The following EIF3L variants were observed in gnomAD, a reference collection of about 807,000 sequenced individuals.
EIF3L encodes the protein eIEF associated protein HSPC021.
EIF3L carries 32 observed loss-of-function variants against 74.6 expected under a neutral mutation model. That is an observed-to-expected ratio of 0.43 (90% CI 0.32 to 0.58). EIF3L has a LOEUF of 0.58. Among genes scored for constraint, EIF3L ranks in the 20% least tolerant of loss-of-function variants. The pLI is 0.06. For missense variants in EIF3L, 474 were observed against 707.8 expected (o/e 0.67, Z 3.75); for synonymous variants, 256 against 254.4 (o/e 1.01, Z -0.06).
rs373196440 is a variant in EIF3L at position 37,855,660 on chromosome 22, T to G, written c.373+16T>G. The G allele has an allele frequency of 5.0e-6, 8 of 1,610,264 alleles. No individual in the cohort carries two copies. Among genetic ancestry groups the G allele is most frequent in the Non-Finnish European group, 6.8e-6 (8 of 1,176,716 alleles). ...GTTGGCAATGGTAGGTGTGAGCTCT[T>G]TATATCTTGTGCACTGAGTGGAATC... is the stretch of plus-strand genomic sequence containing the variant. On this transcript the variant is annotated intron_variant, in intron 4 of 12. Coordinates refer to ENST00000652021, the MANE Select transcript of EIF3L (RefSeq NM_016091.4).
At chr22:37,858,879 C>T (rs564560005) in intron 5 of EIF3L, 139 bp downstream of exon 5, 110 of 755,244 alleles carry the variant, frequency 1.5e-4, no homozygotes, top group South Asian at 1.3e-3. Flanking sequence ...TTTTAAGAAG[C>T]GGTGGAAGGA....
intron 5 of EIF3L, among the ~76,000 whole-genome samples, chr22:37,860,046 A>G (rs1348406495): frequency 6.6e-6 from 1 of 152,158 alleles, no homozygotes; most frequent in African/African-American, 2.4e-5. Context: ...TGTATTATTT[A>G]TATACACCAA....
intron 3 of EIF3L, among the ~76,000 whole-genome samples, chr22:37,854,985 A>G (rs1270525876): frequency 6.6e-6 from 1 of 151,836 alleles, no homozygotes; most frequent in Non-Finnish European, 1.5e-5. Context: ...TATATGTTGG[A>G]CTAAAAGAGC....
At chr22:37,855,009 G>A (rs1925425640) in intron 3 of EIF3L, among the ~76,000 whole-genome samples, 1 of 152,220 alleles carries the variant, frequency 6.6e-6, no homozygotes, top group Admixed American at 6.5e-5. Flanking sequence ...AGAAGCAGGA[G>A]GGGTGGGGCT....
rs893377579 is a variant in EIF3L at position 37,888,655 on chromosome 22, G to C, written c.*191G>C. On this transcript the variant is annotated 3_prime_UTR_variant, in exon 13 of 13. Transcript: ENST00000652021. ...GATTTGTCGTCTCATTATTGTAGGA[G>C]AGAATTTGTGGGTTGTGGCAGTAAT... 6.6e-6 allele frequency: 4 copies of C among 604,800 alleles called. No individual in the cohort carries two copies. In the African/African-American group the frequency reaches 7.4e-5, roughly 11 times the overall value. 37.5% of individuals were successfully genotyped at this position (604,800 alleles called of 1,614,324 possible). A position where few individuals can be genotyped will look rare whatever the true frequency, so the allele number is the denominator to read the frequency against.
chr22:37,876,189 A>G, intron 10 of EIF3L, 178 bp downstream of exon 10: 1 of 617,232 alleles, frequency 1.6e-6, no homozygotes, highest in Non-Finnish European at 2.7e-6. Flanking sequence ...GAGTGCAGTG[A>G]CGCAGTCACA....
At chr22:37,874,641 C>T in intron 9 of EIF3L, 117 bp downstream of exon 9, 1 of 1,243,596 alleles carries the variant, frequency 8.0e-7, no homozygotes, top group Non-Finnish European at 1.1e-6. Context: ...TCCCTCAGGC[C>T]ATTGAAAGTT....
chr22:37,849,713 G>A, intron 1 of EIF3L: 1 of 608,048 alleles, frequency 1.6e-6, no homozygotes, highest in South Asian at 2.0e-5. Context: ...CGGAGACTAA[G>A]GCCTGTTAGA....
Position 37,874,510 on chromosome 22 carries a change from G to T in EIF3L, c.892G>T (p.Glu298Ter), listed in dbSNP as rs760820592. 2 of 1,614,012 alleles carry T rather than the reference G, an allele frequency of 1.2e-6. No individual in the cohort carries two copies. Among genetic ancestry groups the T allele is most frequent in the Non-Finnish European group, 1.7e-6 (2 of 1,179,952 alleles). ...YQAIKVLENI[E>*]LNKKSMYSRV... ...GGCCATCAAGGTGCTGGAGAACATC[G>T]AACTGAACAAGAAGGTGATGCCTAT... Residue 298 changes from glutamate (E) to a stop codon, truncating the protein, a stop_gained, in exon 9 of 13, where the codon GAA (glutamate) becomes TAA (stop). Coordinates refer to ENST00000652021, the MANE Select transcript of EIF3L (RefSeq NM_016091.4). LOFTEE classifies it high-confidence loss of function.
intron 3 of EIF3L, among the ~76,000 whole-genome samples, chr22:37,851,757 C>T (rs1925238479): frequency 6.6e-6 from 1 of 152,206 alleles, no homozygotes; most frequent in South Asian, 2.1e-4. Context: ...CCTCCGCCTC[C>T]TGGGTTCAAG....
intron 7 of EIF3L, among the ~76,000 whole-genome samples, chr22:37,864,418 A>G (rs1926033248): frequency 6.6e-6 from 1 of 152,214 alleles, no homozygotes; most frequent in African/African-American, 2.4e-5. Context: ...CACAACAAGA[A>G]TATCACCTAC....
chr22:37,860,775 C>G (rs1241395117), intron 5 of EIF3L, among the ~76,000 whole-genome samples: 1 of 152,178 alleles, frequency 6.6e-6, no homozygotes, highest in Non-Finnish European at 1.5e-5. Context: ...GAGCTGCTTA[C>G]CTGGTGTCAG....
At chr22:37,861,589 C>T (rs916300126) in intron 5 of EIF3L, among the ~76,000 whole-genome samples, 4 of 151,798 alleles carry the variant, frequency 2.6e-5, no homozygotes, top group East Asian at 1.9e-4. Context: ...GAGGCTGAGA[C>T]GGAAGAATCA....
At chr22:37,858,219 C>CTTTTTTTTTTTTTTT (rs549425262) in intron 4 of EIF3L, among the ~76,000 whole-genome samples, 2 of 85,084 alleles carry the variant, frequency 2.4e-5, no homozygotes, top group Admixed American at 1.6e-4. Context: ...TTCTTTCTTC[C>CTTTTTTTTTTTTTTT]TTTTTTTTTT....
intron 5 of EIF3L, among the ~76,000 whole-genome samples, chr22:37,859,370 G>GTTTTT (rs1437551077): frequency 2.7e-5 from 2 of 72,774 alleles, no homozygotes; most frequent in African/African-American, 7.8e-5. Flanking sequence ...AGTACGTGAA[G>GTTTTT]TTTCTTTTTT....
chr22:37,865,576 A>T (rs908932107), intron 7 of EIF3L, among the ~76,000 whole-genome samples: 3 of 152,228 alleles, frequency 2.0e-5, no homozygotes, highest in African/African-American at 7.2e-5. Context: ...ATCTTAATAA[A>T]GATGTTATTA....
chr22:37,859,357 T>C (rs1040528248), intron 5 of EIF3L, among the ~76,000 whole-genome samples: 1 of 147,010 alleles, frequency 6.8e-6, no homozygotes, highest in Admixed American at 7.1e-5. Flanking sequence ...TTCTAAATTA[T>C]AGAGTACGTG....
chr22:37,870,603 G>C (rs1926419106), intron 8 of EIF3L, among the ~76,000 whole-genome samples: 1 of 152,168 alleles, frequency 6.6e-6, no homozygotes, highest in Non-Finnish European at 1.5e-5. Flanking sequence ...TGTGTCTCCA[G>C]TGCTTTTGTT....
chr22:37,870,617 A>G (rs1045387903), intron 8 of EIF3L, among the ~76,000 whole-genome samples: 1 of 152,160 alleles, frequency 6.6e-6, no homozygotes, highest in Non-Finnish European at 1.5e-5. Flanking sequence ...TTTTGTTTAG[A>G]TAAGCACTTC....
Sources: allele counts gnomAD v4.1 joint callset (sites outside exome capture counted in the v4.1 genomes callset), GRCh38; gene constraint gnomAD v4.1.1; transcripts MANE v1.5; gene names NCBI Gene and HGNC (gene_info 2026-07-23, HGNC 2026-07-21).